The following PGLYRP2 variants were observed in gnomAD, a reference collection of about 807,000 sequenced individuals.
PGLYRP2 encodes N-acetylmuramoyl-L-alanine amidase.
In PGLYRP2, 38 loss-of-function variants were observed where a neutral mutation model predicts 46.2. That is an observed-to-expected ratio of 0.82 (90% confidence interval 0.64 to 1.08). The LOEUF is 1.08. PGLYRP2 is among the 50% of genes least tolerant of loss of function. The pLI, the probability that PGLYRP2 is intolerant of heterozygous loss-of-function variation, is 0.00. For synonymous variants in PGLYRP2, 289 were observed against 329.4 expected, an observed-to-expected ratio of 0.88 and a Z score of 1.33; for missense variants, 713 against 755.9, an observed-to-expected ratio of 0.94 and a Z score of 0.67.
chr19:15,476,735 T>G, intron 1 of PGLYRP2, 127 bp from the exon 2 acceptor site: 2 of 779,330 alleles, frequency 2.6e-6, no homozygotes, highest in Non-Finnish European at 4.0e-6. Flanking sequence ...ACTATCCTTG[T>G]GTAGATGAGG....
At chr19:15,470,241 T>TTTCC (rs71176417) in intron 3 of PGLYRP2, among the ~76,000 whole-genome samples, 10,635 of 99,684 alleles carry the variant, frequency 0.11, 922 homozygotes, top group Non-Finnish European at 0.13. Context: ...GTTTTTTTTC[T>TTTCC]TTCCTTCCTT....
intron 2 of PGLYRP2, among the ~76,000 whole-genome samples, chr19:15,474,292 G>C (rs1041917914): frequency 2.0e-5 from 3 of 152,064 alleles, no homozygotes; most frequent in Non-Finnish European, 4.4e-5. Context: ...AGCCGAGATT[G>C]TGCCATTGCA....
Position 15,476,070 on chromosome 19 carries a change from T to G in PGLYRP2, c.600A>C (p.Gln200His). 6.2e-7 allele frequency: 1 copy of G among 1,614,172 alleles called. No homozygotes were observed. Residue 200 changes from glutamine (Q) to histidine (H), a missense_variant, in exon 2 of 5, where the codon CAA (glutamine) becomes CAC (histidine). Gln to His is a conservative substitution (Grantham distance 24, BLOSUM62 0). Coordinates refer to ENST00000340880, the MANE Select transcript of PGLYRP2 (RefSeq NM_052890.4). ...TGGCTTTGGCATCTGGCAAGGAAGC[T>G]TGGACATCTGGACAGCCTTTTGTAG... Reference protein sequence around the residue: ...PDATKGCPDVQASLPDAKAKS... With the variant: ...PDATKGCPDVHASLPDAKAKS...
chr19:15,473,477 A>G (rs796944131), intron 2 of PGLYRP2, among the ~76,000 whole-genome samples: 23 of 30,060 alleles, frequency 7.7e-4, no homozygotes, highest in African/African-American at 5.5e-3. Context: ...TCTCAAAAAA[A>G]AAAAAAAAAA....
chr19:15,471,744 C>CG, intron 3 of PGLYRP2, 146 bp downstream of exon 3: 1 of 915,986 alleles, frequency 1.1e-6, no homozygotes, highest in East Asian at 2.7e-5. Flanking sequence ...CGCCACCTCT[C>CG]CAACTTTGCT....
At chr19:15,470,222 T>C (rs1970731531) in intron 3 of PGLYRP2, among the ~76,000 whole-genome samples, 1 of 132,604 alleles carries the variant, frequency 7.5e-6, no homozygotes. Context: ...AGAGCTTTTC[T>C]GTTTTTGGGT....
intron 2 of PGLYRP2, 62 bp downstream of exon 2, chr19:15,475,476 A>G: frequency 2.7e-6 from 4 of 1,458,162 alleles, no homozygotes; most frequent in Non-Finnish European, 3.7e-6. Flanking sequence ...CCCTGAATAT[A>G]CGGGGTGGGG....
At position 15,469,119 on chromosome 19, in the gene PGLYRP2, A is replaced by G. The variant is rs193053050; in HGVS notation, c.1642-367T>C. ...GAGATTGTCTGGACAGAGAATTGCA[A>G]CACAGGATTAAGGACTGGACAGAGG... On this transcript the variant is annotated intron_variant, in intron 4 of 4. Transcript: ENST00000340880. The surrounding 1 kb of genome is among the most constrained non-coding windows in gnomAD (Gnocchi z 4.9). The G allele has an allele frequency of 9.3e-6, 5 of 538,518 alleles. No individual in the cohort carries two copies. Among genetic ancestry groups the G allele is most frequent in the South Asian group, 5.4e-5 (2 of 37,102 alleles). 33.4% of individuals were successfully genotyped at this position (538,518 alleles called of 1,614,324 possible).
At chr19:15,470,629 CTCCCTTCT>C (rs1161055213) in intron 3 of PGLYRP2, among the ~76,000 whole-genome samples, 1 of 149,388 alleles carries the variant, frequency 6.7e-6, no homozygotes, top group Non-Finnish European at 1.5e-5. Flanking sequence ...CTCGCCACCC[CTCCCTTCT>C]TCCCTTCCCT....
At position 15,469,243 on chromosome 19, in the gene PGLYRP2, A is replaced by G; in HGVS notation, c.1641+389T>C. On this transcript the variant is annotated intron_variant, in intron 4 of 4. Transcript: ENST00000340880. The surrounding 1 kb of genome is among the most constrained non-coding windows in gnomAD (Gnocchi z 4.9). ...GGTCAAGGTTCGGCGGGCCAGGATG[A>G]GGTGGTGCAGCCTGACAGGTTGTGA... 1.7e-6 allele frequency: 1 copy of G among 596,210 alleles called. No homozygotes were observed. The highest frequency in any genetic ancestry group is 3.0e-5 in the Admixed American group (1 of 33,526). 36.9% of individuals were successfully genotyped at this position (596,210 alleles called of 1,614,324 possible). A position where few individuals can be genotyped will look rare whatever the true frequency, so the allele number is the denominator to read the frequency against.
intron 1 of PGLYRP2, 119 bp from the exon 2 acceptor site, chr19:15,476,727 T>G: frequency 1.2e-6 from 1 of 810,278 alleles, no homozygotes; most frequent in Non-Finnish European, 1.9e-6. Context: ...CCCCCAACAC[T>G]ATCCTTGTGT....
intron 3 of PGLYRP2, among the ~76,000 whole-genome samples, chr19:15,470,844 A>G (rs1241640197): frequency 1.3e-5 from 2 of 150,932 alleles, no homozygotes; most frequent in Non-Finnish European, 3.0e-5. Context: ...GGGTTTCTCC[A>G]TGTTGGCCAG....
At chr19:15,470,245 C>CTTCCTTCCTTCCTTCCTTCCTTCT (rs1970733221) in intron 3 of PGLYRP2, among the ~76,000 whole-genome samples, 2 of 94,378 alleles carry the variant, frequency 2.1e-5, no homozygotes, top group East Asian at 6.5e-4. Flanking sequence ...TTTTTCTTTC[C>CTTCCTTCCTTCCTTCCTTCCTTCT]TTCCTTCCTT....
chr19:15,470,261 C>T (rs1336566583), intron 3 of PGLYRP2, among the ~76,000 whole-genome samples: 29 of 120,206 alleles, frequency 2.4e-4, no homozygotes, highest in Admixed American at 2.5e-4. Context: ...TCCTTCCTTC[C>T]TTCCTTCCTT....
At chr19:15,477,000 A>G (rs559856719) in intron 1 of PGLYRP2, among the ~76,000 whole-genome samples, 1 of 152,316 alleles carries the variant, frequency 6.6e-6, no homozygotes, top group East Asian at 1.9e-4. Context: ...GCAGTGGACA[A>G]AAGTGGAAGA....
At chr19:15,472,589 TC>T (rs923267417) in intron 2 of PGLYRP2, among the ~76,000 whole-genome samples, 14 of 145,934 alleles carry the variant, frequency 9.6e-5, no homozygotes, top group Middle Eastern at 3.9e-3. Context: ...CAAGACTCTG[TC>T]CCCCCCAAAA....
intron 3 of PGLYRP2, among the ~76,000 whole-genome samples, chr19:15,471,610 A>T (rs1353940898): frequency 6.6e-6 from 1 of 151,736 alleles, no homozygotes; most frequent in Non-Finnish European, 1.5e-5. Context: ...CCAGACCCAG[A>T]CTCTGCCACA....
intron 2 of PGLYRP2, among the ~76,000 whole-genome samples, chr19:15,473,385 G>A (rs8110607): frequency 0.034 from 4,810 of 141,578 alleles, 269 homozygotes; most frequent in African/African-American, 0.12. Context: ...CAGGAGAATC[G>A]CTTGAACCCA....
chr19:15,477,517 G>A (rs1259129094), intron 1 of PGLYRP2, among the ~76,000 whole-genome samples: 2 of 151,418 alleles, frequency 1.3e-5, no homozygotes, highest in African/African-American at 2.4e-5. Context: ...GATCAACATG[G>A]CGAGACTCCG....
Sources: allele counts gnomAD v4.1 joint callset (sites outside exome capture counted in the v4.1 genomes callset), GRCh38; gene constraint gnomAD v4.1.1; non-coding constraint Gnocchi (gnomAD v3.1); transcripts MANE v1.5; gene names NCBI Gene and HGNC (gene_info 2026-07-23, HGNC 2026-07-21).